RHOBTB1: variants seen among roughly 807,000 people sequenced by gnomAD.
RHOBTB1 encodes the protein rho-related BTB domain-containing protein 1.
In RHOBTB1, 40 loss-of-function variants were observed where a neutral mutation model predicts 71.6. The observed-to-expected ratio is 0.56, with a 90% confidence interval of 0.43 to 0.73. The LOEUF (loss-of-function observed/expected upper bound fraction) is 0.73. Among genes scored for constraint, RHOBTB1 ranks in the 30% least tolerant of loss-of-function variants. The pLI is 0.00. For missense variants in RHOBTB1, 797 were observed against 894.0 expected, an observed-to-expected ratio of 0.89 and a Z score of 1.38; for synonymous variants, 319 against 334.9, an observed-to-expected ratio of 0.95 and a Z score of 0.52.
At position 60,911,478 on chromosome 10, in the gene RHOBTB1, T is replaced by C; in HGVS notation, c.65A>G (p.Asp22Gly). Residue 22 changes from aspartate to glycine, a missense_variant, in exon 3 of 11, where the codon GAC becomes GGC. By Grantham distance (94) the Asp-to-Gly change is moderately conservative. This residue lies in a region of RHOBTB1 where 139 missense variants were observed against 212.5 expected (regional missense o/e 0.65). Transcript: ENST00000337910. ...VETIKCVVVGDNAVGKTRLIC... is the reference protein window; with the variant it reads ...VETIKCVVVGGNAVGKTRLIC... ...CAAGCGCGTCTTCCCCACGGCATTG[T>C]CACCCACGACCACACATTTGATAGT... The C allele has an allele frequency of 6.2e-7, 1 of 1,614,216 alleles. No homozygotes were observed. The highest frequency in any genetic ancestry group is 8.5e-7 in the Non-Finnish European group (1 of 1,180,038).
chr10:60,954,876 G>T (rs191494601), intron 2 of RHOBTB1, among the ~76,000 whole-genome samples: 1 of 151,728 alleles, frequency 6.6e-6, no homozygotes, highest in South Asian at 2.1e-4. Flanking sequence ...GTCAAGTTTC[G>T]GAAATAGTTC....
chr10:60,882,988 T>C (rs2132466495), intron 7 of RHOBTB1, among the ~76,000 whole-genome samples: 1 of 152,248 alleles, frequency 6.6e-6, no homozygotes, highest in African/African-American at 2.4e-5. Flanking sequence ...TTGACAAAGG[T>C]TTTCTTGTTA....
Position 60,965,129 on chromosome 10 carries a change from T to C in RHOBTB1, c.-62+20716A>G, listed in dbSNP as rs140336042. Among the ~76,000 whole-genome samples, 786 of 152,122 alleles carry C rather than the reference T, an allele frequency of 5.2e-3. 1 individual carries two copies. Among genetic ancestry groups the C allele is most frequent in the Non-Finnish European group, 7.1e-3 (481 of 67,964 alleles). ...TACTTATCAGATAGTATGTTAGGGG[T>C]TGTACATATACAAAGAAACTTACCA... On this transcript the variant is annotated intron_variant, in intron 2 of 11. Coordinates refer to the RHOBTB1 transcript ENST00000357917.
intron 2 of RHOBTB1, among the ~76,000 whole-genome samples, chr10:60,952,358 A>G (rs2134406941): frequency 6.6e-6 from 1 of 152,144 alleles, no homozygotes; most frequent in South Asian, 2.1e-4. Flanking sequence ...CACCAAGATC[A>G]CCACCTGTCT....
intron 2 of RHOBTB1, among the ~76,000 whole-genome samples, chr10:60,924,689 A>G (rs951024217): frequency 3.3e-5 from 5 of 152,212 alleles, no homozygotes; most frequent in East Asian, 1.9e-4. Flanking sequence ...CAGTTGCAGA[A>G]TACATATTCT....
intron 4 of RHOBTB1, among the ~76,000 whole-genome samples, chr10:60,900,229 G>C (rs1426086081): frequency 2.0e-5 from 3 of 152,152 alleles, no homozygotes; most frequent in African/African-American, 7.2e-5. Context: ...AGGGTCAGCG[G>C]ATAGGGAGGG....
At chr10:60,912,341 C>T (rs1002980001) in intron 2 of RHOBTB1, among the ~76,000 whole-genome samples, 5 of 152,108 alleles carry the variant, frequency 3.3e-5, no homozygotes, top group South Asian at 4.2e-4. Context: ...TCAAGCGATT[C>T]GCCTGGCTCA....
intron 2 of RHOBTB1, among the ~76,000 whole-genome samples, chr10:60,968,366 C>T (rs1435730101): frequency 6.6e-6 from 1 of 152,134 alleles, no homozygotes; most frequent in Non-Finnish European, 1.5e-5. Flanking sequence ...TGTTTCCAGA[C>T]ATATGTAATT....
At chr10:60,932,528 A>AAG in intron 2 of RHOBTB1, among the ~76,000 whole-genome samples, 1 of 151,148 alleles carries the variant, frequency 6.6e-6, no homozygotes, top group East Asian at 1.9e-4. Flanking sequence ...AAAAAAAAAA[A>AAG]AAAAGACAGA....
intron 1 of RHOBTB1, among the ~76,000 whole-genome samples, chr10:60,942,256 C>G (rs1272902607): frequency 6.6e-6 from 1 of 152,114 alleles, no homozygotes; most frequent in Non-Finnish European, 1.5e-5. Flanking sequence ...AATTAAAAGA[C>G]CAAACAATTT....
chr10:60,969,307 T>A (rs2086074790), intron 2 of RHOBTB1, among the ~76,000 whole-genome samples: 1 of 152,140 alleles, frequency 6.6e-6, no homozygotes, highest in Non-Finnish European at 1.5e-5. Flanking sequence ...GTCACTCTGA[T>A]ATAGCAGCCA....
At chr10:60,943,148 T>C (rs1014748949) in intron 1 of RHOBTB1, among the ~76,000 whole-genome samples, 6 of 152,232 alleles carry the variant, frequency 3.9e-5, no homozygotes, top group African/African-American at 1.2e-4. Context: ...GCTTGTGTGC[T>C]AACGTGCAAA....
chr10:60,917,379 T>C (rs2083321215), intron 2 of RHOBTB1, among the ~76,000 whole-genome samples: 1 of 152,194 alleles, frequency 6.6e-6, no homozygotes, highest in Non-Finnish European at 1.5e-5. Context: ...CTTTTCTAAC[T>C]ACCCCCTTAG....
rs150185540 is a variant in RHOBTB1 at position 60,930,816 on chromosome 10, C to T, written c.-11+10988G>A. 7.8e-4 allele frequency among the ~76,000 whole-genome samples: 119 copies of T among 152,220 alleles called. 2 individuals carry two copies. In the South Asian group the frequency reaches 0.011, roughly 14 times the overall value. On this transcript the variant is annotated intron_variant, in intron 2 of 10. Transcript: ENST00000337910. Reference sequence around the variant, plus strand: ...TCTTCCCTTCAGGTTCTTCTTCATCCCTTCTTACAGGGCTAGCCATCATTC... The same window carrying T: ...TCTTCCCTTCAGGTTCTTCTTCATCTCTTCTTACAGGGCTAGCCATCATTC...
Position 60,952,047 on chromosome 10 carries a change from G to T in RHOBTB1, c.-61-10193C>A, listed in dbSNP as rs186289545. Among the ~76,000 whole-genome samples, 238 of 151,974 alleles carry T rather than the reference G, an allele frequency of 1.6e-3. 2 individuals are homozygous for T. Among genetic ancestry groups the T allele is most frequent in the African/African-American group, 5.4e-3 (224 of 41,422 alleles). Reference sequence around the variant, plus strand: ...CACTCCAGCCTGGACAACAGAGCGAGACTCTGTCACAGCCCCCCACCCCCC... The same window carrying T: ...CACTCCAGCCTGGACAACAGAGCGATACTCTGTCACAGCCCCCCACCCCCC... On this transcript the variant is annotated intron_variant, in intron 2 of 11. Coordinates refer to the RHOBTB1 transcript ENST00000357917.
chr10:60,981,922 A>ACCAT (rs781715283), intron 2 of RHOBTB1, among the ~76,000 whole-genome samples: 8 of 152,190 alleles, frequency 5.3e-5, no homozygotes, highest in Non-Finnish European at 1.0e-4. Flanking sequence ...GGTGTGCACC[A>ACCAT]CCATGCCTGG....
At chr10:60,913,727 C>T (rs2083115707) in intron 2 of RHOBTB1, among the ~76,000 whole-genome samples, 1 of 152,110 alleles carries the variant, frequency 6.6e-6, no homozygotes, top group African/African-American at 2.4e-5. Flanking sequence ...TACCCAGCCC[C>T]AAATGTTACA....
At chr10:60,884,197 T>C (rs1017117609) in intron 7 of RHOBTB1, among the ~76,000 whole-genome samples, 6 of 152,202 alleles carry the variant, frequency 3.9e-5, no homozygotes, top group African/African-American at 1.4e-4. Flanking sequence ...CTTGTGATTC[T>C]AGGATTCTAT....
chr10:60,863,539 CCT>C, the RHOBTB1 span, among the ~76,000 whole-genome samples: 2 of 150,876 alleles, frequency 1.3e-5, no homozygotes, highest in African/African-American at 5.0e-5. Flanking sequence ...CTTCACATCC[CCT>C]TTTTTTTTTG....
Sources: gnomAD v4.1 joint callset for allele counts (sites outside exome capture counted in the v4.1 genomes callset) on GRCh38, gnomAD v4.1.1 for gene constraint, gnomAD v4.1.1 regional missense constraint, MANE v1.5 for transcripts, NCBI Gene and HGNC (gene_info 2026-07-23, HGNC 2026-07-21) for gene names.